Variants in IL31RA observed in about 807,000 individuals in gnomAD.
IL31RA encodes interleukin-31 receptor subunit alpha.
In IL31RA, 66 loss-of-function variants were observed where a neutral mutation model predicts 83.7. That is an observed-to-expected ratio of 0.79 (90% CI 0.65 to 0.97). The LOEUF (loss-of-function observed/expected upper bound fraction) is 0.97. Ranked by LOEUF, IL31RA falls within the 50% of genes least tolerant of loss-of-function variation. The pLI is 0.00. For synonymous variants in IL31RA, 325 were observed against 329.0 expected (o/e 0.99, Z 0.13); for missense variants, 798 against 919.4 (o/e 0.87, Z 1.71).
chr5:55,882,899 C>G, intron 4 of IL31RA, 145 bp from the exon 5 acceptor site: 1 of 721,888 alleles, frequency 1.4e-6, no homozygotes, highest in Non-Finnish European at 2.4e-6. Context: ...GGGTGACATT[C>G]CTTTTGTACT....
chr5:55,898,841 C>T (rs1301435703), intron 7 of IL31RA, among the ~76,000 whole-genome samples: 1 of 151,958 alleles, frequency 6.6e-6, no homozygotes, highest in Non-Finnish European at 1.5e-5. Flanking sequence ...TTGGACAACA[C>T]AGCAAAACCC....
Position 55,868,845 on chromosome 5 carries a change from T to A in IL31RA, c.209T>A (p.Leu70Ter), listed in dbSNP as rs773934454. ...ISCVYYYRKNLTCTWSPGKET... is the reference protein window; with the variant it reads ...ISCVYYYRKN ...TGTGTCTACTACTATAGGAAAAATT[T>A]AACCTGCACTTGGAGTCCAGGAAAG... Residue 70 changes from leucine to a stop codon, truncating the protein, a stop_gained, in exon 3 of 15, where the codon TTA becomes TAA. Coordinates refer to ENST00000652347, the MANE Select transcript of IL31RA (RefSeq NM_139017.7). LOFTEE classifies it high-confidence loss of function. 3.1e-6 allele frequency: 5 copies of A among 1,611,616 alleles called. No individual in the cohort carries two copies. The Middle Eastern group carries it at 5.0e-4, about 160-fold the overall frequency.
intron 4 of IL31RA, among the ~76,000 whole-genome samples, chr5:55,881,487 G>A (rs550005303): frequency 1.3e-5 from 2 of 151,986 alleles, no homozygotes; most frequent in African/African-American, 2.4e-5. Flanking sequence ...GGCACCTTGC[G>A]TCCCATTTCC....
At chr5:55,895,474 C>T (rs1034646929) in intron 6 of IL31RA, among the ~76,000 whole-genome samples, 2 of 152,004 alleles carry the variant, frequency 1.3e-5, no homozygotes, top group African/African-American at 4.8e-5. Context: ...TTGTTTCATC[C>T]CTATATGGTT....
intron 13 of IL31RA, 102 bp downstream of exon 13, chr5:55,913,672 G>A (rs1272501680): frequency 2.6e-6 from 2 of 779,710 alleles, no homozygotes; most frequent in Non-Finnish European, 4.7e-6. Flanking sequence ...CCATTAAGGG[G>A]TGTTCATTCA....
intron 11 of IL31RA, among the ~76,000 whole-genome samples, chr5:55,910,133 A>G (rs537545019): frequency 6.6e-6 from 1 of 152,320 alleles, no homozygotes; most frequent in South Asian, 2.1e-4. Context: ...TATTTATCAG[A>G]TATATGATTT....
At chr5:55,909,055 C>T (rs191941054) in intron 11 of IL31RA, 22 of 235,570 alleles carry the variant, frequency 9.3e-5, no homozygotes, top group Non-Finnish European at 1.4e-4. Flanking sequence ...CCATTCCTCT[C>T]CTCCCACAGC....
At chr5:55,862,553 C>T (rs768635057) in intron 2 of IL31RA, among the ~76,000 whole-genome samples, 2 of 152,120 alleles carry the variant, frequency 1.3e-5, no homozygotes, top group Non-Finnish European at 2.9e-5. Context: ...GGATTATAGG[C>T]GTGTGCCACC....
At position 55,867,157 on chromosome 5, in the gene IL31RA, TTGTG is replaced by T. The variant is rs563106139; in HGVS notation, c.155-1627_155-1624del. On this transcript the variant is annotated intron_variant, in intron 2 of 14. Transcript: ENST00000652347. The stretch of plus-strand genomic sequence containing the variant: ...TGTGCATGTGTGTGTGCATGTGTGT[TTGTG>T]TGTGTGCATGTGTGTGTGCATGTGT... Among the ~76,000 whole-genome samples, 220 of 55,116 alleles carry T rather than the reference TTGTG, an allele frequency of 4.0e-3. 4 individuals are homozygous for T. The highest frequency in any genetic ancestry group is 0.012 in the African/African-American group (206 of 16,658). The allele number at this position is 55,116 out of a possible 152,430, so 36.2% of individuals were successfully genotyped here. A position where few individuals can be genotyped will look rare whatever the true frequency, so the allele number is the denominator to read the frequency against.
intron 6 of IL31RA, among the ~76,000 whole-genome samples, chr5:55,893,963 C>T (rs1216549161): frequency 6.6e-6 from 1 of 152,010 alleles, no homozygotes; most frequent in Non-Finnish European, 1.5e-5. Flanking sequence ...AGGTGTGTGC[C>T]ACCATGCCTG....
intron 4 of IL31RA, among the ~76,000 whole-genome samples, chr5:55,878,254 G>A (rs1337730656): frequency 6.6e-6 from 1 of 151,982 alleles, no homozygotes; most frequent in Non-Finnish European, 1.5e-5. Flanking sequence ...ATTTCCTTTA[G>A]TTATTTGTCC....
At chr5:55,843,335 T>G in the IL31RA span, among the ~76,000 whole-genome samples, 1 of 152,136 alleles carries the variant, frequency 6.6e-6, no homozygotes, top group Non-Finnish European at 1.5e-5. Context: ...GAAAAAGAAA[T>G]GTCATATTTT....
intron 4 of IL31RA, among the ~76,000 whole-genome samples, chr5:55,878,742 T>C (rs779326586): frequency 4.6e-5 from 7 of 151,954 alleles, no homozygotes; most frequent in Non-Finnish European, 1.0e-4. Context: ...CAACCTCCCC[T>C]TCCTGGTCTC....
At chr5:55,850,703 A>G (rs1048593258), upstream of IL31RA, among the ~76,000 whole-genome samples, 9 of 152,278 alleles carry the variant, frequency 5.9e-5, no homozygotes, top group African/African-American at 2.2e-4. Flanking sequence ...TTTTCAACCA[A>G]TCTTATGATT....
At chr5:55,891,976 C>T (rs570366100) in intron 6 of IL31RA, among the ~76,000 whole-genome samples, 276 of 151,914 alleles carry the variant, frequency 1.8e-3, no homozygotes, top group African/African-American at 6.5e-3. Context: ...GGAGTTTCAC[C>T]GTGTTAGCCA....
intron 2 of IL31RA, among the ~76,000 whole-genome samples, chr5:55,865,653 G>A (rs1285837493): frequency 6.6e-6 from 1 of 152,120 alleles, no homozygotes; most frequent in Non-Finnish European, 1.5e-5. Context: ...TTATTCAGAT[G>A]TGCAGAGAAA....
intron 4 of IL31RA, among the ~76,000 whole-genome samples, chr5:55,879,773 G>A (rs1035911240): frequency 4.1e-5 from 6 of 146,862 alleles, no homozygotes; most frequent in Non-Finnish European, 8.9e-5. Context: ...GGGAGAACAA[G>A]AACTTAGAGC....
rs1451529984 is a variant in IL31RA at position 55,916,788 on chromosome 5, G to A, written c.1963G>A (p.Glu655Lys). The change falls in exon 15 of 15, where the codon GAA becomes AAA. Residue 655 changes from glutamate to lysine, a missense_variant. Glu to Lys is a moderately conservative substitution (Grantham distance 56). Coordinates refer to ENST00000652347, the MANE Select transcript of IL31RA (RefSeq NM_139017.7). ...GNVLQEIFTDEARTGQENNLG... is the reference protein window; with the variant it reads ...GNVLQEIFTDKARTGQENNLG... The stretch of plus-strand genomic sequence containing the variant: ...TGTTCTGCAAGAAATTTTCACAGAT[G>A]AAGCCAGAACGGGTCAGGAAAACAA... The A allele has an allele frequency of 5.6e-6, 9 of 1,614,098 alleles. No homozygotes were observed. The South Asian group carries it at 8.8e-5, about 16-fold the overall frequency.
chr5:55,904,965 T>C (rs1749054293), intron 8 of IL31RA, among the ~76,000 whole-genome samples: 1 of 151,466 alleles, frequency 6.6e-6, no homozygotes, highest in African/African-American at 2.4e-5. Context: ...GGAGACCGAC[T>C]GAGCTGGGCA....
Sources: allele counts gnomAD v4.1 joint callset (sites outside exome capture counted in the v4.1 genomes callset), GRCh38; gene constraint gnomAD v4.1.1; transcripts MANE v1.5; gene names NCBI Gene and HGNC (gene_info 2026-07-23, HGNC 2026-07-21).